The following PARD3 variants were observed in gnomAD, a reference collection of about 807,000 sequenced individuals.
The protein encoded by PARD3 is partitioning defective 3 homolog.
Under a neutral mutation model 155.4 loss-of-function variants are expected in PARD3, and 75 were observed. That is an observed-to-expected ratio of 0.48 (90% CI 0.40 to 0.58). The LOEUF (loss-of-function observed/expected upper bound fraction) is 0.58, where lower values mean the gene tolerates loss of function less well. Among genes scored for constraint, PARD3 ranks in the 20% least tolerant of loss-of-function variants. The pLI is 0.00. For synonymous variants in PARD3, 576 were observed against 610.5 expected (o/e 0.94, Z 0.83); for missense variants, 1,642 against 1,721.7 (o/e 0.95, Z 0.82).
chr10:34,688,348 T>C (rs1366193241), intron 2 of PARD3, among the ~76,000 whole-genome samples: 2 of 152,208 alleles, frequency 1.3e-5, no homozygotes, highest in Non-Finnish European at 1.5e-5. Flanking sequence ...CCTCAAATAA[T>C]AAATGACAAA....
At chr10:34,517,614 T>C (rs2081866219) in intron 2 of PARD3, among the ~76,000 whole-genome samples, 1 of 152,146 alleles carries the variant, frequency 6.6e-6, no homozygotes, top group African/African-American at 2.4e-5. Flanking sequence ...GTGCATAAGA[T>C]ACATGCTAAA....
intron 22 of PARD3, among the ~76,000 whole-genome samples, chr10:34,185,902 A>G (rs1950472551): frequency 6.6e-6 from 1 of 151,130 alleles, no homozygotes; most frequent in East Asian, 1.9e-4. Flanking sequence ...AGAGTTTTAC[A>G]GTTTAAAAAG....
chr10:34,114,267 G>A (rs1946549286), intron 24 of PARD3, among the ~76,000 whole-genome samples: 2 of 152,090 alleles, frequency 1.3e-5, no homozygotes, highest in South Asian at 2.1e-4. Flanking sequence ...ATCTCTAAAA[G>A]AGGAGAAAAA....
chr10:34,803,614 G>A (rs1330435983), intron 1 of PARD3, among the ~76,000 whole-genome samples: 3 of 151,958 alleles, frequency 2.0e-5, no homozygotes, highest in Non-Finnish European at 4.4e-5. Context: ...CCAGCCTGAT[G>A]AACATGGTGA....
At chr10:34,725,580 T>C (rs2094694067) in intron 1 of PARD3, among the ~76,000 whole-genome samples, 1 of 152,176 alleles carries the variant, frequency 6.6e-6, no homozygotes, top group Non-Finnish European at 1.5e-5. Flanking sequence ...AGGAGTAGTG[T>C]TATTCATCGT....
intron 20 of PARD3, chr10:34,312,374 T>C (rs763290554): frequency 6.2e-7 from 1 of 1,612,738 alleles, no homozygotes; most frequent in Non-Finnish European, 8.5e-7. Flanking sequence ...GGGCTTCAGT[T>C]TGGCAAGGCT....
rs146656607 is a variant in PARD3, at chr10:34,565,181, A to C, written c.223-48022T>G. Reference sequence around the variant, plus strand: ...CCAAGTATACTTCATCATGAAAGCTAGTTTAATTATATTAAGACAGTTCTT... The same window carrying C: ...CCAAGTATACTTCATCATGAAAGCTCGTTTAATTATATTAAGACAGTTCTT... On this transcript the variant is annotated intron_variant, in intron 2 of 24. Coordinates refer to ENST00000374788, the MANE Select transcript of PARD3 (RefSeq NM_001184785.2). Among the ~76,000 whole-genome samples, 369 of 146,908 alleles carry C rather than the reference A, an allele frequency of 2.5e-3. 3 individuals are homozygous for C. The highest frequency in any genetic ancestry group is 8.6e-3 in the African/African-American group (346 of 40,028).
chr10:34,344,215 T>C (rs1837134603), intron 15 of PARD3: 1 of 985,136 alleles, frequency 1.0e-6, no homozygotes, highest in East Asian at 1.1e-4. Flanking sequence ...GAAATGGATG[T>C]GCTGGTTAAA....
intron 2 of PARD3, among the ~76,000 whole-genome samples, chr10:34,531,816 A>G (rs759827652): frequency 6.6e-5 from 10 of 152,182 alleles, no homozygotes; most frequent in Non-Finnish European, 1.2e-4. Flanking sequence ...CCTTGGCGTT[A>G]TTCAAGGTTT....
At chr10:34,712,106 G>A (rs1411434106) in intron 1 of PARD3, among the ~76,000 whole-genome samples, 2 of 152,134 alleles carry the variant, frequency 1.3e-5, no homozygotes, top group Non-Finnish European at 2.9e-5. Context: ...AGAAAAAAGA[G>A]GGCAAGCCAA....
chr10:34,345,135 A>C lies in PARD3; in HGVS notation c.2218+2830T>G, dbSNP rs965930881. ...CCCCAGAGAGGGCTATTTTTAGAAA[A>C]AGGAAATAGCCAAAAACAAAGTAAA... On this transcript the variant is annotated intron_variant, in intron 15 of 24. Coordinates refer to ENST00000374788, the MANE Select transcript of PARD3 (RefSeq NM_001184785.2). 15 of 985,182 alleles carry C rather than the reference A, an allele frequency of 1.5e-5. No individual in the cohort carries two copies. The African/African-American group carries it at 1.6e-4, about 10-fold the overall frequency. The allele number at this position is 985,182 out of a possible 1,614,324, so 61.0% of individuals were successfully genotyped here.
rs558512176 is a variant in PARD3 at position 34,694,000 on chromosome 10, A to C, written c.222+2318T>G. Among the ~76,000 whole-genome samples, 4 of 152,316 alleles carry C rather than the reference A, an allele frequency of 2.6e-5. No individual in the cohort carries two copies. In the South Asian group the frequency reaches 6.2e-4, roughly 24 times the overall value. ...AGGGAAGAGTCAGGATGAAAATCTCAAACAACAGTGATAAGCTCTCAGCAA... is the reference window on the plus strand; with the variant it reads ...AGGGAAGAGTCAGGATGAAAATCTCCAACAACAGTGATAAGCTCTCAGCAA... On this transcript the variant is annotated intron_variant, in intron 2 of 24. Coordinates refer to ENST00000374788, the MANE Select transcript of PARD3 (RefSeq NM_001184785.2).
intron 3 of PARD3, among the ~76,000 whole-genome samples, chr10:34,496,122 G>A (rs2080267479): frequency 6.6e-6 from 1 of 151,834 alleles, no homozygotes; most frequent in Non-Finnish European, 1.5e-5. Flanking sequence ...GGATGCTTGA[G>A]CCCAGGAGGT....
At chr10:34,571,500 C>T (rs923485236) in intron 2 of PARD3, among the ~76,000 whole-genome samples, 1 of 152,104 alleles carries the variant, frequency 6.6e-6, no homozygotes, top group Non-Finnish European at 1.5e-5. Flanking sequence ...GCTTTACAAT[C>T]CTGTGAGGAG....
chr10:34,344,444 G>T, intron 15 of PARD3: 1 of 530,534 alleles, frequency 1.9e-6, no homozygotes, highest in Non-Finnish European at 2.4e-6. Context: ...CACAACATCC[G>T]GCTAATTTTT....
chr10:34,383,037 G>T, intron 8 of PARD3, 115 bp from the exon 9 acceptor site: 1 of 1,136,524 alleles, frequency 8.8e-7, no homozygotes, highest in Non-Finnish European at 1.3e-6. Flanking sequence ...TGTTGAAATT[G>T]AAAAGCAAAA....
chr10:34,665,536 AT>A (rs1161466688), intron 2 of PARD3, among the ~76,000 whole-genome samples: 3 of 151,732 alleles, frequency 2.0e-5, no homozygotes, highest in Non-Finnish European at 4.4e-5. Context: ...AATTTTAAAA[AT>A]TTTTAAAAAA....
At chr10:34,524,301 A>G (rs543422313) in intron 2 of PARD3, among the ~76,000 whole-genome samples, 8 of 152,330 alleles carry the variant, frequency 5.3e-5, no homozygotes, top group East Asian at 3.9e-4. Context: ...CCTGTCCGAC[A>G]AGAGCTAATG....
At chr10:34,228,620 C>T (rs1213714686) in intron 22 of PARD3, among the ~76,000 whole-genome samples, 1 of 151,952 alleles carries the variant, frequency 6.6e-6, no homozygotes, top group Non-Finnish European at 1.5e-5. Context: ...GACTTGTACA[C>T]TTTAAACGGG....
Sources: allele counts gnomAD v4.1 joint callset (sites outside exome capture counted in the v4.1 genomes callset), GRCh38; gene constraint gnomAD v4.1.1; transcripts MANE v1.5; gene names NCBI Gene and HGNC (gene_info 2026-07-23, HGNC 2026-07-21).